ABI3BP: variants seen among roughly 807,000 people sequenced by gnomAD.
ABI3BP encodes target of Nesh-SH3.
Under a neutral mutation model 268.6 loss-of-function variants are expected in ABI3BP, and 216 were observed. That is an observed-to-expected ratio of 0.80 (90% CI 0.72 to 0.90). The LOEUF (loss-of-function observed/expected upper bound fraction) is 0.90. Among genes scored for constraint, ABI3BP ranks in the 40% least tolerant of loss-of-function variants. ABI3BP has a pLI of 0.00. For missense variants in ABI3BP, 2,090 were observed against 2,182.4 expected (o/e 0.96, Z 0.84); for synonymous variants, 730 against 730.0 (o/e 1.00, Z 0.00).
chr3:100,911,727 G>A (rs1219522194), intron 2 of ABI3BP: 1 of 837,168 alleles, frequency 1.2e-6, no homozygotes. Context: ...TCCTCTTTGA[G>A]GTTTCAAGGC....
intron 58 of ABI3BP, 66 bp downstream of exon 58, chr3:100,780,066 G>A: frequency 6.7e-7 from 1 of 1,498,728 alleles, no homozygotes; most frequent in Admixed American, 1.7e-5. Context: ...CACCAGGAAT[G>A]ATACTGCAGT....
At chr3:100,859,175 T>C (rs773147631) in intron 14 of ABI3BP, among the ~76,000 whole-genome samples, 10 of 152,186 alleles carry the variant, frequency 6.6e-5, no homozygotes, top group African/African-American at 9.7e-5. Context: ...TTTGTTCAAC[T>C]ACAAGTGTGT....
intron 66 of ABI3BP, 54 bp downstream of exon 66, chr3:100,752,733 G>A: frequency 6.3e-7 from 1 of 1,583,068 alleles, no homozygotes; most frequent in Non-Finnish European, 8.6e-7. Context: ...GTACAATGCT[G>A]CAAAACATTC....
chr3:100,879,610 C>G (rs367681112), intron 6 of ABI3BP, among the ~76,000 whole-genome samples: 6 of 152,202 alleles, frequency 3.9e-5, no homozygotes, highest in Admixed American at 3.9e-4. Flanking sequence ...ATGAATGGAA[C>G]AACGTTTCTG....
intron 1 of ABI3BP, among the ~76,000 whole-genome samples, chr3:100,957,486 G>T (rs1006345645): frequency 6.6e-6 from 1 of 151,990 alleles, no homozygotes; most frequent in African/African-American, 2.4e-5. Flanking sequence ...TGAAGGGAGT[G>T]GTCAGGGCTA....
At position 100,789,440 on chromosome 3, in the gene ABI3BP, G is replaced by C. The variant is rs767067905; in HGVS notation, c.4087+14C>G. On this transcript the variant is annotated intron_variant, in intron 56 of 67. Transcript: ENST00000471714. Reference sequence around the variant, plus strand: ...TGCCTGCTGATTATTTAAGTCATCAGAGAAACAACTTACCAGGTCTGATGT... The same window carrying C: ...TGCCTGCTGATTATTTAAGTCATCACAGAAACAACTTACCAGGTCTGATGT... The C allele has an allele frequency of 1.9e-6, 3 of 1,593,918 alleles. No homozygotes were observed. In the South Asian group the frequency reaches 3.4e-5, roughly 18 times the overall value.
chr3:100,920,034 A>ATTTTG (rs1400292647), intron 2 of ABI3BP, among the ~76,000 whole-genome samples: 1 of 152,148 alleles, frequency 6.6e-6, no homozygotes, highest in African/African-American at 2.4e-5. Context: ...GATTTTGCTT[A>ATTTTG]TTTTGTTTTT....
chr3:100,783,744 C>T (rs1168760457), intron 57 of ABI3BP, among the ~76,000 whole-genome samples: 2 of 152,164 alleles, frequency 1.3e-5, no homozygotes, highest in South Asian at 2.1e-4. Flanking sequence ...GTATAAGTAC[C>T]TTTGTACACA....
chr3:100,886,054 A>T, intron 5 of ABI3BP, 88 bp downstream of exon 5: 2 of 1,004,054 alleles, frequency 2.0e-6, no homozygotes, highest in Non-Finnish European at 2.8e-6. Flanking sequence ...CTTATTTCAT[A>T]TTATACAATG....
chr3:100,930,495 C>G (rs1034606319), intron 1 of ABI3BP, among the ~76,000 whole-genome samples: 1 of 151,494 alleles, frequency 6.6e-6, no homozygotes, highest in African/African-American at 2.4e-5. Flanking sequence ...AAAAGTCTTT[C>G]TCAGAAATGA....
At chr3:100,767,597 TA>T (rs113385914) in intron 62 of ABI3BP, among the ~76,000 whole-genome samples, 4,552 of 133,070 alleles carry the variant, frequency 0.034, 61 homozygotes, top group Admixed American at 0.054. Context: ...TAAAATTGAT[TA>T]AAAAAAAAAA....
In ABI3BP at chr3:100,780,168, C is replaced by G. The variant is rs926560222; in HGVS notation, c.4204G>C (p.Val1402Leu). 3.7e-6 allele frequency: 6 copies of G among 1,612,932 alleles called. No homozygotes were observed. The highest frequency in any genetic ancestry group is 5.1e-6 in the Non-Finnish European group (6 of 1,179,248). ...GTGGGGTGGGTAGAGTCCACTGATA[C>G]ATTTCTATCAGCACCTGATGGCCTG... ...APRPSGADRN[V>L]SVDSTHPTKK... is the part of the protein sequence containing the mutation. Residue 1402 changes from valine (V) to leucine (L), a missense_variant, in exon 58 of 68, where the codon GTA becomes CTA. By Grantham distance (32) the Val-to-Leu change is conservative. Coordinates refer to ENST00000471714, the MANE Select transcript of ABI3BP (RefSeq NM_001375547.2).
At chr3:100,990,373 AAAAT>A (rs1213921309) in intron 1 of ABI3BP, among the ~76,000 whole-genome samples, 3 of 152,104 alleles carry the variant, frequency 2.0e-5, no homozygotes, top group Non-Finnish European at 4.4e-5. Flanking sequence ...GAGGCTAACA[AAAAT>A]AAATAATTTG....
At position 100,795,843 on chromosome 3, in the gene ABI3BP, G is replaced by C; in HGVS notation, c.3826C>G (p.Pro1276Ala). 2 of 1,286,914 alleles carry C rather than the reference G, an allele frequency of 1.6e-6. No homozygotes were observed. The highest frequency in any genetic ancestry group is 2.0e-6 in the Non-Finnish European group (2 of 988,010). 79.7% of individuals were successfully genotyped at this position (1,286,914 alleles called of 1,614,324 possible). A position where few individuals can be genotyped will look rare whatever the true frequency, so the allele number is the denominator to read the frequency against. The change falls in exon 53 of 68, where the codon CCT becomes GCT. Residue 1276 changes from proline to alanine, a missense_variant. Physicochemically the swap from Pro to Ala is conservative, Grantham distance 27 (BLOSUM62 -1). Transcript: ENST00000471714. ...GGTGGCTCAAATCTAAAGGTAACAG[G>C]CTGCAGAACTATGCCAAAAGCAAGC... ...EVSQSEPVLQ[P>A]VTFRFEPPKT...
In ABI3BP at chr3:100,812,528, T is replaced by C. The variant is rs2097887070; in HGVS notation, c.3365-5A>G. The C allele has an allele frequency of 7.6e-7, 1 of 1,324,438 alleles. No homozygotes were observed. Among genetic ancestry groups the C allele is most frequent in the Non-Finnish European group, 9.6e-7 (1 of 1,037,720 alleles). 82.0% of individuals were successfully genotyped at this position (1,324,438 alleles called of 1,614,324 possible). A position where few individuals can be genotyped will look rare whatever the true frequency, so the allele number is the denominator to read the frequency against. On this transcript the variant is annotated splice_polypyrimidine_tract_variant and splice_region_variant and intron_variant, in intron 45 of 67. Coordinates refer to ENST00000471714, the MANE Select transcript of ABI3BP (RefSeq NM_001375547.2). ...CCGATTCCAGAACATCAGAAACTAG[T>C]AAAAAACAGAAAATGGTACAATTGA...
chr3:100,758,324 CG>C (rs1214509018), intron 63 of ABI3BP, among the ~76,000 whole-genome samples: 1 of 152,066 alleles, frequency 6.6e-6, no homozygotes, highest in African/African-American at 2.4e-5. Context: ...TATAACTTCA[CG>C]GGGGCTATAA....
At chr3:100,848,911 AT>A in intron 17 of ABI3BP, 36 bp from the exon 18 acceptor site, 1 of 1,578,618 alleles carries the variant, frequency 6.3e-7, no homozygotes, top group Non-Finnish European at 8.7e-7. Flanking sequence ...GATAAATGAT[AT>A]TTTTCAGGGG....
chr3:100,800,281 T>G (rs929949739), intron 51 of ABI3BP, among the ~76,000 whole-genome samples: 3 of 152,046 alleles, frequency 2.0e-5, no homozygotes, highest in African/African-American at 7.2e-5. Flanking sequence ...AATACAGATG[T>G]AATTATATCA....
intron 1 of ABI3BP, among the ~76,000 whole-genome samples, chr3:100,951,410 C>T (rs191854158): frequency 2.4e-4 from 36 of 152,050 alleles, no homozygotes; most frequent in Admixed American, 1.8e-3. Flanking sequence ...TCTTTTGCTC[C>T]TTTAGAGAAC....
Sources: allele counts gnomAD v4.1 joint callset (sites outside exome capture counted in the v4.1 genomes callset), GRCh38; gene constraint gnomAD v4.1.1; transcripts MANE v1.5; gene names NCBI Gene and HGNC (gene_info 2026-07-23, HGNC 2026-07-21).